Variants in RYR1 observed in about 807,000 individuals in gnomAD.
RYR1 encodes the protein ryanodine receptor 1.
A neutral mutation model predicts 583.5 loss-of-function variants in RYR1; 342 were observed. The ratio of observed to expected loss-of-function variants is 0.59; its 90% confidence interval spans 0.54 to 0.64. The LOEUF is 0.64. Ranked by LOEUF, RYR1 falls within the 30% of genes least tolerant of loss-of-function variation. RYR1 has a pLI of 0.00. For synonymous variants in RYR1, 2,791 were observed against 2,822.5 expected, an observed-to-expected ratio of 0.99 and a Z score of 0.35; for missense variants, 6,032 against 6,917.2, an observed-to-expected ratio of 0.87 and a Z score of 4.54.
In RYR1 at chr19:38,473,592, C is replaced by G. The variant is rs763082630; in HGVS notation, c.3981C>G (p.Pro1327=). ...PAEDEARAAE[P]DPDYENLRRS... ...AGGACGAGGCCCGGGCGGCGGAACCCGACCCTGACTACGAAAACCTGCGCC... is the reference window on the plus strand; with the variant it reads ...AGGACGAGGCCCGGGCGGCGGAACCGGACCCTGACTACGAAAACCTGCGCC... The change falls in exon 28 of 106, where the codon CCC becomes CCG. Residue 1327 remains proline (P), a synonymous_variant. Coordinates refer to ENST00000359596, the MANE Select transcript of RYR1 (RefSeq NM_000540.3). The G allele has an allele frequency of 7.6e-6, 12 of 1,584,076 alleles. No homozygotes were observed. The highest frequency in any genetic ancestry group is 1.0e-5 in the Non-Finnish European group (12 of 1,165,580).
intron 89 of RYR1, among the ~76,000 whole-genome samples, chr19:38,548,686 TC>T (rs1972538235): frequency 1.3e-5 from 2 of 152,324 alleles, no homozygotes; most frequent in Non-Finnish European, 2.9e-5. Context: ...TAAGCAATCC[TC>T]CCACCTCAGC....
rs774222759 is a variant in RYR1, at chr19:38,439,609, C to T, written c.46-1136C>T. On this transcript the variant is annotated intron_variant, in intron 1 of 105. Transcript: ENST00000359596. ...GCAACCTCTGCCTCCTGGGTTCAGG[C>T]GATTCTCCTGGCTCAGACTCCCGAG... 1.2e-4 allele frequency among the ~76,000 whole-genome samples: 18 copies of T among 152,262 alleles called. No individual in the cohort carries two copies. The East Asian group carries it at 2.7e-3, about 23-fold the overall frequency.
chr19:38,451,954 G>C (rs759918481), intron 12 of RYR1, 69 bp downstream of exon 12: 3 of 1,608,058 alleles, frequency 1.9e-6, no homozygotes, highest in Non-Finnish European at 2.6e-6. Flanking sequence ...CCATACACTT[G>C]GCCTCTTTCA....
At chr19:38,518,652 G>A (rs1971082054) in intron 66 of RYR1, among the ~76,000 whole-genome samples, 1 of 152,084 alleles carries the variant, frequency 6.6e-6, no homozygotes, top group Admixed American at 6.6e-5. Flanking sequence ...TAACAGGCCA[G>A]GTGCAGTGGC....
chr19:38,497,042 A>C, intron 42 of RYR1, 88 bp downstream of exon 42: 86 of 1,107,276 alleles, frequency 7.8e-5, no homozygotes, highest in Non-Finnish European at 1.1e-4. Flanking sequence ...TTCCAAACTC[A>C]TTCTGGGGGG....
At position 38,504,782 on chromosome 19, in the gene RYR1, C is replaced by T; in HGVS notation, c.8102C>T (p.Pro2701Leu). ...CCGGAGCTGTACCGCATGGCCATGCCTTGTCTGTGCGCCATTGCCGGGGCT... is the reference window on the plus strand; with the variant it reads ...CCGGAGCTGTACCGCATGGCCATGCTTTGTCTGTGCGCCATTGCCGGGGCT... ...YDPELYRMAMPCLCAIAGALP... is the reference protein window; with the variant it reads ...YDPELYRMAMLCLCAIAGALP... The change falls in exon 51 of 106, where the codon CCT becomes CTT. Residue 2701 changes from proline to leucine, a missense_variant. This residue lies in a region of RYR1 where 1,493 missense variants were observed against 1,715.5 expected (regional missense o/e 0.87). Transcript: ENST00000359596. 1 of 1,614,140 alleles carries T rather than the reference C, an allele frequency of 6.2e-7. No individual in the cohort carries two copies.
Position 38,543,945 on chromosome 19 carries a change from C to G in RYR1, c.12012+70C>G. On this transcript the variant is annotated intron_variant, in intron 87 of 105. Transcript: ENST00000359596. The surrounding 1 kb of genome is among the most constrained non-coding windows in gnomAD (Gnocchi z 4.4). ...CCAAGTGGTCCATTTCCAAGTCTTG[C>G]CCCTTTGGTCAGTTTGTCACCCGAG... 2 of 1,448,488 alleles carry G rather than the reference C, an allele frequency of 1.4e-6. No homozygotes were observed. The highest frequency in any genetic ancestry group is 2.4e-5 in the South Asian group (2 of 84,362). 89.7% of individuals were successfully genotyped at this position (1,448,488 alleles called of 1,614,324 possible).
intron 31 of RYR1, 67 bp downstream of exon 31, chr19:38,478,667 A>AGC: frequency 6.4e-7 from 1 of 1,556,796 alleles, no homozygotes; most frequent in Non-Finnish European, 8.8e-7. Flanking sequence ...GCTCTTATAG[A>AGC]TGTCCCCTGA....
chr19:38,460,543 C>T lies in RYR1; in HGVS notation c.2529C>T (p.Arg843=), dbSNP rs766078236. ...PRGPHLVGPS[R]CLSHTDFVPC... ...GGCCTCACCTGGTGGGCCCCAGTCG[C>T]TGCCTCTCACACACCGACTTCGTGC... Residue 843 remains arginine (R), a synonymous_variant, in exon 20 of 106, where the codon CGC becomes CGT. Coordinates refer to ENST00000359596, the MANE Select transcript of RYR1 (RefSeq NM_000540.3). 1.2e-6 allele frequency: 2 copies of T among 1,613,968 alleles called. No individual in the cohort carries two copies. Among genetic ancestry groups the T allele is most frequent in the Middle Eastern group, 1.7e-4 (1 of 6,058 alleles).
rs118192153 is a variant in RYR1, at chr19:38,585,013, C to G, written c.14717C>G (p.Ala4906Gly). ...ATTGGGGACGAGATCGAGGACCCCG[C>G]GGGTGACGAATACGAGCTCTACAGG... ...GGIGDEIEDP[A>G]GDEYELYRVV... The change falls in exon 102 of 106, where the codon GCG becomes GGG. Residue 4906 changes from alanine (A) to glycine (G), a missense_variant. Ala to Gly is a moderately conservative substitution (Grantham distance 60, BLOSUM62 0). Coordinates refer to ENST00000359596, the MANE Select transcript of RYR1 (RefSeq NM_000540.3). 16 of 1,613,898 alleles carry G rather than the reference C, an allele frequency of 9.9e-6. No homozygotes were observed. Among genetic ancestry groups the G allele is most frequent in the Non-Finnish European group, 1.3e-5 (15 of 1,180,000 alleles).
At chr19:38,531,869 C>T (rs545088163) in intron 76 of RYR1, among the ~76,000 whole-genome samples, 1 of 152,286 alleles carries the variant, frequency 6.6e-6, no homozygotes, top group East Asian at 1.9e-4. Flanking sequence ...GGCACCACTG[C>T]ACTCCAGCTT....
Position 38,548,304 on chromosome 19 carries a change from A to C in RYR1, c.12166A>C (p.Met4056Leu). Residue 4056 changes from methionine to leucine, a missense_variant, in exon 89 of 106, where the codon ATG becomes CTG. By Grantham distance (15) the Met-to-Leu change is conservative (BLOSUM62 2). Coordinates refer to ENST00000359596, the MANE Select transcript of RYR1 (RefSeq NM_000540.3). ...CGTGGAATCCTCATCCAATGTGGAG[A>C]TGATCCTCAAGTTCTTCGACATGTT... ...MLVESSSNVE[M>L]ILKFFDMFLK... 6.2e-7 allele frequency: 1 copy of C among 1,614,192 alleles called. No individual in the cohort carries two copies. The highest frequency in any genetic ancestry group is 1.7e-5 in the Admixed American group (1 of 60,014).
intron 34 of RYR1, among the ~76,000 whole-genome samples, chr19:38,488,808 C>T (rs903079534): frequency 1.3e-5 from 2 of 152,164 alleles, no homozygotes; most frequent in Admixed American, 1.3e-4. Context: ...CATGTGTTAG[C>T]ATCTTCATTA....
At position 38,458,201 on chromosome 19, in the gene RYR1, C is replaced by T. The variant is rs1468369900; in HGVS notation, c.2076C>T (p.Thr692=). 1.2e-6 allele frequency: 2 copies of T among 1,613,816 alleles called. No homozygotes were observed. Among genetic ancestry groups the T allele is most frequent in the South Asian group, 1.1e-5 (1 of 91,078 alleles). Residue 692 remains threonine, a synonymous_variant, in exon 18 of 106, where the codon ACC becomes ACT. Transcript: ENST00000359596. ...GCTGGGCCCTCACCGAGGGCTACAC[C>T]CCCTACCCTGGGGCCGGCGAGGGCT... The part of the protein sequence containing the change: ...RVGWALTEGY[T]PYPGAGEGWG...
chr19:38,508,948 C>T (rs1481012023), intron 58 of RYR1, among the ~76,000 whole-genome samples: 2 of 152,148 alleles, frequency 1.3e-5, no homozygotes, highest in African/African-American at 2.4e-5. Context: ...ATTTCTGGAT[C>T]TATTTTGAAG....
rs184082631 is a variant in RYR1, at chr19:38,454,535, T to C, written c.1441-700T>C. 7.0e-4 allele frequency among the ~76,000 whole-genome samples: 107 copies of C among 152,308 alleles called. 2 individuals carry two copies. The East Asian group carries it at 0.018, about 26-fold the overall frequency. ...AATGTTAATGACTCAACAATATATA[T>C]TAAATAACTGTCTTTAAACAGAAAC... On this transcript the variant is annotated intron_variant, in intron 13 of 105. Transcript: ENST00000359596.
At chr19:38,584,176 A>G (rs1422568225) in intron 101 of RYR1, among the ~76,000 whole-genome samples, 8 of 151,274 alleles carry the variant, frequency 5.3e-5, no homozygotes, top group Non-Finnish European at 8.9e-5. Flanking sequence ...CCCCTAGCTC[A>G]TCCCTGGTCA....
chr19:38,499,655 G>A lies in RYR1; in HGVS notation c.7048G>A (p.Ala2350Thr), dbSNP rs193922802. The A allele has an allele frequency of 6.3e-7, 1 of 1,598,678 alleles. No individual in the cohort carries two copies. Among genetic ancestry groups the A allele is most frequent in the Non-Finnish European group, 8.5e-7 (1 of 1,179,888 alleles). Reference sequence around the variant, plus strand: ...GCCAGGCGAGAGCGTGGAGGAGAACGCCAATGTGGTGGTGCGGCTGCTCAT... The same window carrying A: ...GCCAGGCGAGAGCGTGGAGGAGAACACCAATGTGGTGGTGCGGCTGCTCAT... ...FVNGESVEEN[A>T]NVVVRLLIRK... Residue 2350 changes from alanine (A) to threonine (T), a missense_variant, in exon 44 of 106, where the codon GCC becomes ACC. Transcript: ENST00000359596. The surrounding 1 kb of genome is among the most constrained non-coding windows in gnomAD (Gnocchi z 7.3).
In RYR1 at chr19:38,523,932, C is replaced by T. The variant is rs1340165088; in HGVS notation, c.10455+3C>T. 6.2e-7 allele frequency: 1 copy of T among 1,613,910 alleles called. No homozygotes were observed. The highest frequency in any genetic ancestry group is 8.5e-7 in the Non-Finnish European group (1 of 1,179,978). On this transcript the variant is annotated splice_donor_region_variant and intron_variant, in intron 70 of 105. Coordinates refer to ENST00000359596, the MANE Select transcript of RYR1 (RefSeq NM_000540.3). ...TGAAGCAGGCGGGAGATATACAGGTCAGCCCCACATCTGGGACCTTCCGCA... is the reference window on the plus strand; with the variant it reads ...TGAAGCAGGCGGGAGATATACAGGTTAGCCCCACATCTGGGACCTTCCGCA...
Sources: allele counts gnomAD v4.1 joint callset (sites outside exome capture counted in the v4.1 genomes callset), GRCh38; gene constraint gnomAD v4.1.1; regional missense constraint gnomAD v4.1.1; non-coding constraint Gnocchi (gnomAD v3.1); transcripts MANE v1.5; gene names NCBI Gene and HGNC (gene_info 2026-07-23, HGNC 2026-07-21).